Variants in AGPAT4 observed in about 807,000 individuals in gnomAD.
AGPAT4 encodes the protein 1-acylglycerol-3-phosphate O-acyltransferase 4.
AGPAT4 carries 15 observed loss-of-function variants against 48.0 expected under a neutral mutation model. The observed-to-expected ratio is 0.31, with a 90% confidence interval of 0.21 to 0.48. The LOEUF (loss-of-function observed/expected upper bound fraction) is 0.48. AGPAT4 is among the 20% of genes least tolerant of loss of function. The pLI is 0.99. For missense variants in AGPAT4, 314 were observed against 482.5 expected, an observed-to-expected ratio of 0.65 and a Z score of 3.27; for synonymous variants, 178 against 198.7, an observed-to-expected ratio of 0.90 and a Z score of 0.88.
At position 161,248,460 on chromosome 6, in the gene AGPAT4, G is replaced by A. The variant is rs745307816; in HGVS notation, c.-89-16158C>T. ...ATGGTGGTGGGCCCCTGTAGTCCCA[G>A]CTCCTCGTGAGGCTGAGGCAGGAGA... On this transcript the variant is annotated intron_variant, in intron 1 of 8. Transcript: ENST00000320285. Among the ~76,000 whole-genome samples, 68 of 151,606 alleles carry A rather than the reference G, an allele frequency of 4.5e-4. 1 individual carries two copies. Among genetic ancestry groups the A allele is most frequent in the Admixed American group, 4.6e-4 (7 of 15,204 alleles).
At position 161,219,600 on chromosome 6, in the gene AGPAT4, T is replaced by C. The variant is rs982008235; in HGVS notation, c.178+12436A>G. On this transcript the variant is annotated intron_variant, in intron 2 of 8. Transcript: ENST00000320285. The surrounding 1 kb of genome is among the most constrained non-coding windows in gnomAD (Gnocchi z 4.9). The stretch of plus-strand genomic sequence containing the variant: ...GAAATTTAATGCTTCCAAAAACAAA[T>C]GGGCACTTTGCGAATTAATTTATTT... Among the ~76,000 whole-genome samples, 1 of 152,122 alleles carries C rather than the reference T, an allele frequency of 6.6e-6. No homozygotes were observed. The highest frequency in any genetic ancestry group is 1.5e-5 in the Non-Finnish European group (1 of 68,020).
intron 1 of AGPAT4, among the ~76,000 whole-genome samples, chr6:161,271,522 G>A (rs902960721): frequency 3.0e-4 from 46 of 152,178 alleles, no homozygotes; most frequent in African/African-American, 9.4e-4. Context: ...ATAAAATGAC[G>A]GCTGACTCAC....
rs770490075 is a variant in AGPAT4 at position 161,219,916 on chromosome 6, C to CAGGCAGGCAGGCAGGCAGGCGGCA, written c.178+12119_178+12120insTGCCGCCTGCCTGCCTGCCTGCCT. 7.5e-5 allele frequency among the ~76,000 whole-genome samples: 8 copies of CAGGCAGGCAGGCAGGCAGGCGGCA among 105,988 alleles called. No individual in the cohort carries two copies. The highest frequency in any genetic ancestry group is 1.4e-4 in the Non-Finnish European group (7 of 49,254). 69.5% of individuals were successfully genotyped at this position (105,988 alleles called of 152,430 possible). A position where few individuals can be genotyped will look rare whatever the true frequency, so the allele number is the denominator to read the frequency against. The stretch of plus-strand genomic sequence containing the variant: ...GCAGGCAGGCAGGCAGGCAGGCAGG[C>CAGGCAGGCAGGCAGGCAGGCGGCA]GGCAGGCAGGCAGGCAGGCAGGCAG... On this transcript the variant is annotated intron_variant, in intron 2 of 8. Transcript: ENST00000320285. The surrounding 1 kb of genome is among the most constrained non-coding windows in gnomAD (Gnocchi z 4.9).
Position 161,234,851 on chromosome 6 carries a change from G to C in AGPAT4, c.-89-2549C>G, listed in dbSNP as rs896675282. Among the ~76,000 whole-genome samples, 7 of 151,772 alleles carry C rather than the reference G, an allele frequency of 4.6e-5. No homozygotes were observed. Among genetic ancestry groups the C allele is most frequent in the Admixed American group, 2.6e-4 (4 of 15,216 alleles). On this transcript the variant is annotated intron_variant, in intron 1 of 8. Coordinates refer to ENST00000320285, the MANE Select transcript of AGPAT4 (RefSeq NM_020133.3). The surrounding 1 kb of genome is among the most constrained non-coding windows in gnomAD (Gnocchi z 4.4). ...TCTTCAGTGTCCAGTTCAATATTAGGGCATTAGGAAGAAAAATTAAGAATT... is the reference window on the plus strand; with the variant it reads ...TCTTCAGTGTCCAGTTCAATATTAGCGCATTAGGAAGAAAAATTAAGAATT...
chr6:161,130,804 G>A lies in AGPAT4; in HGVS notation c.*5736C>T, dbSNP rs894276018. ...ACCCGGAAGCTGGCTCTGCAGCGTT[G>A]TGACTTAGACACTTTACAAGTCTGA... On this transcript the variant is annotated 3_prime_UTR_variant, in exon 9 of 9. Transcript: ENST00000320285. 1.9e-6 allele frequency: 1 copy of A among 514,730 alleles called. No individual in the cohort carries two copies. The highest frequency in any genetic ancestry group is 3.9e-6 in the Non-Finnish European group (1 of 257,000). The allele number at this position is 514,730 out of a possible 1,614,324, so 31.9% of individuals were successfully genotyped here. A position where few individuals can be genotyped will look rare whatever the true frequency, so the allele number is the denominator to read the frequency against.
At position 161,218,269 on chromosome 6, in the gene AGPAT4, T is replaced by C. The variant is rs1781711346; in HGVS notation, c.178+13767A>G. 6.6e-6 allele frequency among the ~76,000 whole-genome samples: 1 copy of C among 152,218 alleles called. No individual in the cohort carries two copies. Among genetic ancestry groups the C allele is most frequent in the South Asian group, 2.1e-4 (1 of 4,832 alleles). ...TGGGAGGAAAAAAAGCCCTGATTTATAGTTCTGCCGATTTCTATGGTGCAA... is the reference window on the plus strand; with the variant it reads ...TGGGAGGAAAAAAAGCCCTGATTTACAGTTCTGCCGATTTCTATGGTGCAA... On this transcript the variant is annotated intron_variant, in intron 2 of 8. Transcript: ENST00000320285. This position sits in a 1 kb window ranked among gnomAD's most constrained non-coding sequence, Gnocchi z 4.7.
At chr6:161,227,925 T>C (rs1482145059) in intron 2 of AGPAT4, among the ~76,000 whole-genome samples, 6 of 152,146 alleles carry the variant, frequency 3.9e-5, no homozygotes, top group South Asian at 4.1e-4. Flanking sequence ...TAAAAAATTC[T>C]AAACCCTTTA....
At position 161,139,510 on chromosome 6, in the gene AGPAT4, C is replaced by G; in HGVS notation, c.954G>C (p.Val318=). Residue 318 remains valine, a synonymous_variant, in exon 8 of 9, where the codon GTG becomes GTC. Coordinates refer to ENST00000320285, the MANE Select transcript of AGPAT4 (RefSeq NM_020133.3). The surrounding 1 kb of genome is among the most constrained non-coding windows in gnomAD (Gnocchi z 9.1). The part of the protein sequence containing the change: ...LVNWLFWASL[V]LYPFFQFLVS... ...CCAGGAACTGGAAGAAAGGGTAGAG[C>G]ACCAGCGAGGCCCAAAACAGCCAGT... 6.2e-7 allele frequency: 1 copy of G among 1,614,108 alleles called. No homozygotes were observed. Among genetic ancestry groups the G allele is most frequent in the Non-Finnish European group, 8.5e-7 (1 of 1,180,034 alleles).
chr6:161,178,091 G>A lies in AGPAT4; in HGVS notation c.179-11674C>T, dbSNP rs910337740. On this transcript the variant is annotated intron_variant, in intron 2 of 8. Transcript: ENST00000320285. This position sits in a 1 kb window ranked among gnomAD's most constrained non-coding sequence, Gnocchi z 5.1. ...GAGGTGTCTCCCAGTTAGGCTACTC[G>A]GGGGTCAGGGACCCACTTGAGGAGG... 1.3e-5 allele frequency among the ~76,000 whole-genome samples: 2 copies of A among 152,182 alleles called. No individual in the cohort carries two copies. The highest frequency in any genetic ancestry group is 2.9e-5 in the Non-Finnish European group (2 of 68,028).
In AGPAT4 at chr6:161,240,898, G is replaced by A. The variant is rs1187481988; in HGVS notation, c.-89-8596C>T. On this transcript the variant is annotated intron_variant, in intron 1 of 8. Coordinates refer to ENST00000320285, the MANE Select transcript of AGPAT4 (RefSeq NM_020133.3). This position sits in a 1 kb window ranked among gnomAD's most constrained non-coding sequence, Gnocchi z 5.5. ...TGGCCTAATTCCTACAACCAAACAG[G>A]AGAGAAAGTATTCTAGACTGGATTT... is the stretch of plus-strand genomic sequence containing the variant. Among the ~76,000 whole-genome samples, 1 of 152,262 alleles carries A rather than the reference G, an allele frequency of 6.6e-6. No homozygotes were observed. Among genetic ancestry groups the A allele is most frequent in the Admixed American group, 6.5e-5 (1 of 15,294 alleles).
At position 161,261,976 on chromosome 6, in the gene AGPAT4, G is replaced by C. The variant is rs1783116245; in HGVS notation, c.-90+11962C>G. 6.6e-6 allele frequency among the ~76,000 whole-genome samples: 1 copy of C among 152,178 alleles called. No individual in the cohort carries two copies. Among genetic ancestry groups the C allele is most frequent in the Non-Finnish European group, 1.5e-5 (1 of 68,032 alleles). On this transcript the variant is annotated intron_variant, in intron 1 of 8. Transcript: ENST00000320285. This position sits in a 1 kb window ranked among gnomAD's most constrained non-coding sequence, Gnocchi z 5.3. ...CCCCAGGCTCCCCATCTGTGAAATG[G>C]AGATAAGAAGAGTTCCTAGTCGAGG...
rs919348063 is a variant in AGPAT4, at chr6:161,159,619, G to T, written c.349-5309C>A. ...TTTGTGTGCACGCGTGCGTGTGTGT[G>T]TGTGTTCATCAAAAGGTGAGAGACT... On this transcript the variant is annotated intron_variant, in intron 3 of 8. Coordinates refer to ENST00000320285, the MANE Select transcript of AGPAT4 (RefSeq NM_020133.3). The surrounding 1 kb of genome is among the most constrained non-coding windows in gnomAD (Gnocchi z 4.1). 1.1e-4 allele frequency among the ~76,000 whole-genome samples: 16 copies of T among 152,190 alleles called. No individual in the cohort carries two copies. Among genetic ancestry groups the T allele is most frequent in the African/African-American group, 3.9e-4 (16 of 41,440 alleles).
Position 161,166,935 on chromosome 6 carries a change from G to A in AGPAT4, c.179-518C>T, listed in dbSNP as rs1350974285. On this transcript the variant is annotated intron_variant, in intron 2 of 8. Transcript: ENST00000320285. This position sits in a 1 kb window ranked among gnomAD's most constrained non-coding sequence, Gnocchi z 6.7. ...CCCCAGCACCTGCAGGGCAGCGGGA[G>A]TGAGAGTCAGCCCACAGCAGGTCTG... Among the ~76,000 whole-genome samples, 1 of 152,222 alleles carries A rather than the reference G, an allele frequency of 6.6e-6. No homozygotes were observed. Among genetic ancestry groups the A allele is most frequent in the Non-Finnish European group, 1.5e-5 (1 of 68,040 alleles).
At chr6:161,162,033 T>A (rs976743934) in intron 3 of AGPAT4, 2 of 157,402 alleles carry the variant, frequency 1.3e-5, no homozygotes, top group African/African-American at 4.8e-5. Flanking sequence ...GGTCTCAAAT[T>A]CCTGGCTTCA....
rs1318368266 is a variant in AGPAT4 at position 161,161,414 on chromosome 6, C to T, written c.348+4834G>A. On this transcript the variant is annotated intron_variant, in intron 3 of 8. Transcript: ENST00000320285. The surrounding 1 kb of genome is among the most constrained non-coding windows in gnomAD (Gnocchi z 4.6). ...ATCCATGTGATTCCAGATCCCAGCA[C>T]ACTTGCCAAACCCAGTGAATGGTAA... is the stretch of plus-strand genomic sequence containing the variant. The T allele has an allele frequency of 8.8e-6, 4 of 456,604 alleles. No individual in the cohort carries two copies. Among genetic ancestry groups the T allele is most frequent in the African/African-American group, 6.0e-5 (3 of 50,068 alleles). The allele number at this position is 456,604 out of a possible 1,614,324, so 28.3% of individuals were successfully genotyped here. A position where few individuals can be genotyped will look rare whatever the true frequency, so the allele number is the denominator to read the frequency against.
At chr6:161,174,033 G>A (rs956902025) in intron 2 of AGPAT4, among the ~76,000 whole-genome samples, 3 of 152,194 alleles carry the variant, frequency 2.0e-5, no homozygotes, top group Admixed American at 2.0e-4. Flanking sequence ...GCACCATGCT[G>A]TTTTAGTTAC....
Position 161,159,904 on chromosome 6 carries a change from G to T in AGPAT4, c.349-5594C>A, listed in dbSNP as rs950710607. 1.3e-5 allele frequency among the ~76,000 whole-genome samples: 2 copies of T among 151,254 alleles called. No individual in the cohort carries two copies. The highest frequency in any genetic ancestry group is 2.9e-5 in the Non-Finnish European group (2 of 67,916). On this transcript the variant is annotated intron_variant, in intron 3 of 8. Transcript: ENST00000320285. The surrounding 1 kb of genome is among the most constrained non-coding windows in gnomAD (Gnocchi z 4.1). The stretch of plus-strand genomic sequence containing the variant: ...CAGGTCTCCCAAAGTGCTGGGATGG[G>T]ATTACAGGTGTGAGCCACCAAACCT...
chr6:161,170,334 TGACCGAGA>T (rs1780228156), intron 2 of AGPAT4, among the ~76,000 whole-genome samples: 1 of 152,188 alleles, frequency 6.6e-6, no homozygotes, highest in Non-Finnish European at 1.5e-5. Flanking sequence ...TATTGAACCC[TGACCGAGA>T]GACACTTCCT....
At chr6:161,248,571 CAAAAAA>C (rs35527158) in intron 1 of AGPAT4, among the ~76,000 whole-genome samples, 2 of 63,726 alleles carry the variant, frequency 3.1e-5, no homozygotes, top group Non-Finnish European at 5.8e-5. Context: ...GACTCTGTCT[CAAAAAA>C]AAAAAAAAAA....
Sources: gnomAD v4.1 joint callset for allele counts (sites outside exome capture counted in the v4.1 genomes callset) on GRCh38, gnomAD v4.1.1 for gene constraint, Gnocchi (gnomAD v3.1) non-coding constraint, MANE v1.5 for transcripts, NCBI Gene and HGNC (gene_info 2026-07-23, HGNC 2026-07-21) for gene names.